Variants in GMFG observed in about 807,000 individuals in gnomAD.
GMFG encodes the protein glia maturation factor gamma.
A neutral mutation model predicts 26.1 loss-of-function variants in GMFG; 21 were observed. That is an observed-to-expected ratio of 0.80 (90% CI 0.57 to 1.16). GMFG has a LOEUF of 1.16. Ranked by LOEUF, GMFG falls within the 50% of genes most tolerant of loss-of-function variation. The pLI is 0.00. For missense variants in GMFG, 161 were observed against 178.3 expected, an observed-to-expected ratio of 0.90 and a Z score of 0.55; for synonymous variants, 65 against 60.8, an observed-to-expected ratio of 1.07 and a Z score of -0.32.
chr19:39,330,618 A>G (rs2075222506), intron 4 of GMFG, among the ~76,000 whole-genome samples: 1 of 143,122 alleles, frequency 7.0e-6, no homozygotes. Flanking sequence ...TTTTTTTGAG[A>G]CAGGGTCTCA....
chr19:39,332,690 G>A (rs1338576011), intron 4 of GMFG, among the ~76,000 whole-genome samples: 2 of 114,992 alleles, frequency 1.7e-5, no homozygotes, highest in Non-Finnish European at 3.3e-5. Context: ...ATAGAGTCTC[G>A]CTGTGTCACC....
At position 39,334,966 on chromosome 19, in the gene GMFG, C is replaced by T. The variant is rs183861406; in HGVS notation, c.150+295G>A. 5.3e-5 allele frequency among the ~76,000 whole-genome samples: 8 copies of T among 152,300 alleles called. No individual in the cohort carries two copies. The East Asian group carries it at 1.4e-3, about 26-fold the overall frequency. On this transcript the variant is annotated intron_variant, in intron 3 of 6. Coordinates refer to ENST00000597595, the MANE Select transcript of GMFG (RefSeq NM_004877.4). ...CCGGGTTCCAGCGATTCTCCTGCCT[C>T]GGCCTCCCAAGTAGCTGTGATTACA... is the stretch of plus-strand genomic sequence containing the variant.
rs762476934 is a variant in GMFG, at chr19:39,329,557, G to C, written c.270C>G (p.Phe90Leu). ...GCTGTGTCTCACCCACAGGGCTGGAGAAGATGAAACACAAAGGGTAGGACA... is the reference window on the plus strand; with the variant it reads ...GCTGTGTCTCACCCACAGGGCTGGACAAGATGAAACACAAAGGGTAGGACA... ...GRVSYPLCFI[F>L]SSPVGCKPEQ... Residue 90 changes from phenylalanine (F) to leucine (L), a missense_variant, in exon 5 of 7, where the codon TTC (phenylalanine) becomes TTG (leucine). Coordinates refer to ENST00000597595, the MANE Select transcript of GMFG (RefSeq NM_004877.4). The C allele has an allele frequency of 6.2e-7, 1 of 1,600,338 alleles. No homozygotes were observed. Among genetic ancestry groups the C allele is most frequent in the Non-Finnish European group, 8.6e-7 (1 of 1,167,576 alleles).
chr19:39,328,415 G>T lies in GMFG; in HGVS notation c.*62C>A. 1 of 1,068,556 alleles carries T rather than the reference G, an allele frequency of 9.4e-7. No homozygotes were observed. The highest frequency in any genetic ancestry group is 1.5e-6 in the Non-Finnish European group (1 of 682,904). 66.2% of individuals were successfully genotyped at this position (1,068,556 alleles called of 1,614,324 possible). The stretch of plus-strand genomic sequence containing the variant: ...AGTCTTGGTTGTTCAGGTCCTAGGG[G>T]TTCCAAGTCCCCAGTCACCTTGAGG... On this transcript the variant is annotated 3_prime_UTR_variant, in exon 7 of 7. Coordinates refer to ENST00000597595, the MANE Select transcript of GMFG (RefSeq NM_004877.4).
intron 6 of GMFG, 199 bp from the exon 7 acceptor site, chr19:39,328,747 C>G: frequency 1.6e-6 from 1 of 608,112 alleles, no homozygotes. Flanking sequence ...GGTGTGGTGG[C>G]GTGTGCCTGT....
At position 39,335,269 on chromosome 19, in the gene GMFG, C is replaced by A. The variant is rs1267753608; in HGVS notation, c.142G>T (p.Glu48Ter). Residue 48 changes from glutamate (E) to a stop codon, truncating the protein, a stop_gained, in exon 3 of 7, where the codon GAA becomes TAA. Transcript: ENST00000597595. LOFTEE classifies it high-confidence loss of function. The stretch of plus-strand genomic sequence containing the variant: ...TCACCCCAGCCCATCACCTGAAATT[C>A]TTCCTCCAGCACCACCATCTGCCGG... The part of the protein sequence containing the change: ...KDRQMVVLEE[E>*]FQNISPEELK... 8 of 1,558,068 alleles carry A rather than the reference C, an allele frequency of 5.1e-6. No homozygotes were observed. The Admixed American group carries it at 5.5e-5, about 11-fold the overall frequency.
At position 39,329,565 on chromosome 19, in the gene GMFG, AAC is replaced by A. The variant is rs1568332836; in HGVS notation, c.260_261del (p.Cys87PhefsTer21). 1.9e-6 allele frequency: 3 copies of A among 1,607,604 alleles called. No individual in the cohort carries two copies. The highest frequency in any genetic ancestry group is 2.6e-6 in the Non-Finnish European group (3 of 1,174,082). On this transcript the variant is annotated frameshift_variant, in exon 5 of 7. Coordinates refer to ENST00000597595, the MANE Select transcript of GMFG (RefSeq NM_004877.4). LOFTEE classifies it high-confidence loss of function. ...HDDGRVSYPL[C>X]FIFSSPVGCK... is the part of the protein sequence containing the mutation. Reference sequence around the variant, plus strand: ...TCACCCACAGGGCTGGAGAAGATGAAACACAAAGGGTAGGACACTCGGCCATC... The same window carrying A: ...TCACCCACAGGGCTGGAGAAGATGAAACAAAGGGTAGGACACTCGGCCATC...
chr19:39,334,047 G>A lies in GMFG; in HGVS notation c.151-921C>T, dbSNP rs194015. ...TTTTTTTTTTTTTTTTTTTGAGACA[G>A]AGTCTGTCGCCCAGGCTGGAGTGCA... is the stretch of plus-strand genomic sequence containing the variant. On this transcript the variant is annotated intron_variant, in intron 3 of 6. Coordinates refer to ENST00000597595, the MANE Select transcript of GMFG (RefSeq NM_004877.4). Among the ~76,000 whole-genome samples, 820 of 113,070 alleles carry A rather than the reference G, an allele frequency of 7.3e-3. 13 individuals carry two copies. The highest frequency in any genetic ancestry group is 0.026 in the African/African-American group (779 of 29,504). 74.2% of individuals were successfully genotyped at this position (113,070 alleles called of 152,430 possible).
At chr19:39,330,153 T>C (rs1246643473) in intron 4 of GMFG, among the ~76,000 whole-genome samples, 2 of 152,144 alleles carry the variant, frequency 1.3e-5, no homozygotes, top group African/African-American at 4.8e-5. Flanking sequence ...AATATCCCCA[T>C]CGTACAGATG....
rs2075214124 is a variant in GMFG at position 39,328,817 on chromosome 19, G to A, written c.357+183C>T. 6.4e-6 allele frequency: 4 copies of A among 625,694 alleles called. No homozygotes were observed. The Admixed American group carries it at 1.1e-4, about 17-fold the overall frequency. 38.8% of individuals were successfully genotyped at this position (625,694 alleles called of 1,614,324 possible). On this transcript the variant is annotated intron_variant, in intron 6 of 6. Transcript: ENST00000597595. ...TGCTTGAACCCAGGAGGAGGAGGTT[G>A]CAGTGAGCCGAGGTTGTGCCACTGC...
At chr19:39,329,445 C>A (rs2075217325) in intron 5 of GMFG, 99 bp downstream of exon 5, 6 of 736,996 alleles carry the variant, frequency 8.1e-6, no homozygotes, top group Admixed American at 2.0e-5. Context: ...CACATGCTCA[C>A]ACTCTTACAC....
chr19:39,335,962 CT>C lies in GMFG; in HGVS notation c.3+11del. On this transcript the variant is annotated intron_variant, in intron 1 of 6. Transcript: ENST00000597595. ...AGCCCCAGCTCTTCCCATAGAACCC[CT>C]GGCCCCTGACCATGATTGTTCTGTC... is the stretch of plus-strand genomic sequence containing the variant. 2 of 1,585,178 alleles carry C rather than the reference CT, an allele frequency of 1.3e-6. No homozygotes were observed. Among genetic ancestry groups the C allele is most frequent in the Non-Finnish European group, 1.7e-6 (2 of 1,153,938 alleles).
chr19:39,331,053 G>A (rs1431813303), intron 4 of GMFG, among the ~76,000 whole-genome samples: 1 of 152,108 alleles, frequency 6.6e-6, no homozygotes, highest in Admixed American at 6.6e-5. Context: ...TTTTTAGTTT[G>A]CTATTTAAAG....
At chr19:39,334,642 C>T (rs1282561786) in intron 3 of GMFG, among the ~76,000 whole-genome samples, 1 of 152,118 alleles carries the variant, frequency 6.6e-6, no homozygotes, top group Non-Finnish European at 1.5e-5. Context: ...TTAAGATCAT[C>T]ATCACCTTAT....
Position 39,335,315 on chromosome 19 carries a change from G to A in GMFG, c.101-5C>T, listed in dbSNP as rs746464216. On this transcript the variant is annotated splice_region_variant and splice_polypyrimidine_tract_variant and intron_variant, in intron 2 of 6. Coordinates refer to ENST00000597595, the MANE Select transcript of GMFG (RefSeq NM_004877.4). ...GCCGGTCTTTGTCCACCTTCACTGGGGAGGGGTGGCACACAGGGATTAGAC... is the reference window on the plus strand; with the variant it reads ...GCCGGTCTTTGTCCACCTTCACTGGAGAGGGGTGGCACACAGGGATTAGAC... The A allele has an allele frequency of 3.2e-6, 5 of 1,577,768 alleles. No homozygotes were observed. The highest frequency in any genetic ancestry group is 4.3e-6 in the Non-Finnish European group (5 of 1,159,960).
chr19:39,329,123 C>A, intron 5 of GMFG, 50 bp from the exon 6 acceptor site: 1 of 1,282,076 alleles, frequency 7.8e-7, no homozygotes, highest in South Asian at 1.2e-5. Context: ...CAGGCGTGTT[C>A]TCTAAAGCTC....
rs534857767 is a variant in GMFG at position 39,330,188 on chromosome 19, T to C, written c.201-562A>G. 9.6e-4 allele frequency among the ~76,000 whole-genome samples: 146 copies of C among 152,290 alleles called. 1 individual carries two copies. In the Middle Eastern group the frequency reaches 0.017, roughly 18 times the overall value. ...GAGAAAACTGAGGCCCAAAGTCACT[T>C]GCCTAAGGTTCTACAGATAGGGGAG... On this transcript the variant is annotated intron_variant, in intron 4 of 6. Coordinates refer to ENST00000597595, the MANE Select transcript of GMFG (RefSeq NM_004877.4).
chr19:39,334,805 C>T (rs1353196051), intron 3 of GMFG, among the ~76,000 whole-genome samples: 1 of 152,132 alleles, frequency 6.6e-6, no homozygotes, highest in African/African-American at 2.4e-5. Context: ...TGCTGGGGGT[C>T]ATGAGTGAGC....
intron 4 of GMFG, among the ~76,000 whole-genome samples, chr19:39,330,035 C>T (rs528189448): frequency 6.6e-5 from 10 of 152,218 alleles, no homozygotes; most frequent in Non-Finnish European, 1.3e-4. Context: ...GCCAAGATCA[C>T]GCCATTGCAC....
Sources: gnomAD v4.1 joint callset for allele counts (sites outside exome capture counted in the v4.1 genomes callset) on GRCh38, gnomAD v4.1.1 for gene constraint, MANE v1.5 for transcripts, NCBI Gene and HGNC (gene_info 2026-07-23, HGNC 2026-07-21) for gene names.